The following IRF8 variants were observed in gnomAD, a reference collection of about 807,000 sequenced individuals.
The protein encoded by IRF8 is interferon regulatory factor 8.
A neutral mutation model predicts 48.7 loss-of-function variants in IRF8; 14 were observed. The observed-to-expected ratio is 0.29, with a 90% CI of 0.19 to 0.45. IRF8 has a LOEUF of 0.45. Ranked by LOEUF, IRF8 falls within the 20% of genes least tolerant of loss-of-function variation. The pLI is 1.00. For missense variants in IRF8, 493 were observed against 580.7 expected (o/e 0.85, Z 1.55); for synonymous variants, 278 against 227.3 (o/e 1.22, Z -2.01).
At position 85,920,128 on chromosome 16, in the gene IRF8, C is replaced by T. The variant is rs755364386; in HGVS notation, c.1008C>T (p.Asn336=). ...QFFRELQQFY[N]SQGRLPDGRV... Reference sequence around the variant, plus strand: ...TTCCAGAGCTGCAGCAGTTCTATAACAGCCAGGGCCGGCTTCCTGACGGCA... The same window carrying T: ...TTCCAGAGCTGCAGCAGTTCTATAATAGCCAGGGCCGGCTTCCTGACGGCA... Residue 336 remains asparagine, a synonymous_variant, in exon 8 of 9, where the codon AAC becomes AAT. Coordinates refer to ENST00000268638, the MANE Select transcript of IRF8 (RefSeq NM_002163.4). The T allele has an allele frequency of 1.2e-6, 2 of 1,613,770 alleles. No homozygotes were observed. The highest frequency in any genetic ancestry group is 2.2e-5 in the East Asian group (1 of 44,886).
At chr16:85,908,208 G>C (rs1905057208) in intron 2 of IRF8, among the ~76,000 whole-genome samples, 1 of 152,222 alleles carries the variant, frequency 6.6e-6, no homozygotes, top group African/African-American at 2.4e-5. Flanking sequence ...TCATCTGACT[G>C]TGGTTACCTC....
intron 2 of IRF8, among the ~76,000 whole-genome samples, chr16:85,907,550 C>T (rs1269955388): frequency 1.3e-5 from 2 of 152,108 alleles, no homozygotes; most frequent in Admixed American, 6.5e-5. Context: ...TGGTGGTGCA[C>T]ACCTGTAGTC....
chr16:85,899,532 G>A (rs146619109), intron 1 of IRF8, among the ~76,000 whole-genome samples: 4 of 152,256 alleles, frequency 2.6e-5, no homozygotes, highest in Admixed American at 1.3e-4. Context: ...ATAATGAACG[G>A]CAATAGCAAC....
chr16:85,903,268 A>G, intron 2 of IRF8, 79 bp downstream of exon 2: 1 of 1,309,942 alleles, frequency 7.6e-7, no homozygotes, highest in East Asian at 2.4e-5. Context: ...GTTGAGTGAC[A>G]TCTTTCTCAT....
chr16:85,916,930 T>C (rs77283254), intron 6 of IRF8, among the ~76,000 whole-genome samples: 158 of 152,298 alleles, frequency 1.0e-3, no homozygotes, highest in African/African-American at 3.6e-3. Context: ...TTCAGTTTCC[T>C]GAAGTGTCAA....
chr16:85,917,786 A>G (rs559468868), intron 6 of IRF8, among the ~76,000 whole-genome samples: 31 of 152,216 alleles, frequency 2.0e-4, no homozygotes, highest in Non-Finnish European at 4.1e-4. Context: ...GATTACATGT[A>G]TCACCCCTCC....
At chr16:85,909,310 G>T in intron 3 of IRF8, 137 bp downstream of exon 3, 1 of 741,674 alleles carries the variant, frequency 1.3e-6, no homozygotes, top group Non-Finnish European at 2.4e-6. Context: ...TCTCCTTCGT[G>T]TAAGCAGAAA....
intron 2 of IRF8, among the ~76,000 whole-genome samples, chr16:85,906,413 A>G (rs1372551405): frequency 6.6e-6 from 1 of 152,200 alleles, no homozygotes; most frequent in Non-Finnish European, 1.5e-5. Flanking sequence ...TCGAGAGATC[A>G]TCAAGCTAAG....
chr16:85,909,439 A>G (rs1905085279), intron 3 of IRF8: 3 of 485,844 alleles, frequency 6.2e-6, no homozygotes, highest in Non-Finnish European at 1.1e-5. Flanking sequence ...GACAGGAACA[A>G]GCATCCTCCA....
rs1391511601 is a variant in IRF8 at position 85,911,646 on chromosome 16, G to A, written c.435G>A (p.Glu145=). 2 of 1,613,702 alleles carry A rather than the reference G, an allele frequency of 1.2e-6. No individual in the cohort carries two copies. The highest frequency in any genetic ancestry group is 1.7e-6 in the Non-Finnish European group (2 of 1,179,800). ...AGTGCGGTCGCTCTGAAATCGACGA[G>A]CTGATCAAGGAGGTAAGCAGAGGCA... ...EMECGRSEID[E]LIKEPSVDDY... Residue 145 remains glutamate, a synonymous_variant, in exon 4 of 9, where the codon GAG becomes GAA. Coordinates refer to ENST00000268638, the MANE Select transcript of IRF8 (RefSeq NM_002163.4).
intron 2 of IRF8, among the ~76,000 whole-genome samples, chr16:85,907,115 G>T (rs759470825): frequency 9.2e-5 from 14 of 152,188 alleles, no homozygotes; most frequent in Non-Finnish European, 1.3e-4. Context: ...TTTTAGAGGG[G>T]AGTTTTACAT....
Position 85,914,507 on chromosome 16 carries a change from C to T in IRF8, c.588C>T (p.Asp196=), listed in dbSNP as rs112843240. The T allele has an allele frequency of 7.4e-6, 12 of 1,614,132 alleles. No homozygotes were observed. The highest frequency in any genetic ancestry group is 6.7e-5 in the African/African-American group (5 of 75,050). Residue 196 remains aspartate, a synonymous_variant, in exon 6 of 9, where the codon GAC becomes GAT. Transcript: ENST00000268638. ...TGGTGACGGGGTACACCACCTACGA[C>T]GCGCACCATTCAGGTACGGGGTGGT... ...VPLVTGYTTY[D]AHHSAFSQMV...
chr16:85,899,691 G>A (rs1253107599), intron 1 of IRF8, among the ~76,000 whole-genome samples: 1 of 152,166 alleles, frequency 6.6e-6, no homozygotes, highest in East Asian at 1.9e-4. Flanking sequence ...CTAAAATTCT[G>A]TTTAATGACA....
chr16:85,902,869 T>G (rs879171146), intron 1 of IRF8, 146 bp from the exon 2 acceptor site: 113 of 805,572 alleles, frequency 1.4e-4, no homozygotes, highest in East Asian at 2.2e-4. Flanking sequence ...TCATGGCAGG[T>G]GTCCCGGAGT....
intron 2 of IRF8, 37 bp from the exon 3 acceptor site, chr16:85,908,953 G>A (rs1290960439): frequency 6.4e-7 from 1 of 1,564,498 alleles, no homozygotes; most frequent in Non-Finnish European, 8.8e-7. Context: ...GATTGGAGTC[G>A]GCCATGAATT....
Position 85,903,077 on chromosome 16 carries a change from G to T in IRF8, c.62G>T (p.Ser21Ile). 6.2e-7 allele frequency: 1 copy of T among 1,614,202 alleles called. No individual in the cohort carries two copies. Among genetic ancestry groups the T allele is most frequent in the Non-Finnish European group, 8.5e-7 (1 of 1,180,014 alleles). The change falls in exon 2 of 9, where the codon AGC becomes ATC. Residue 21 changes from serine to isoleucine, a missense_variant. Physicochemically the swap from Ser to Ile is moderately radical, Grantham distance 142. This residue lies in a region of IRF8 where 54 missense variants were observed against 59.9 expected (regional missense o/e 0.90). Transcript: ENST00000268638. ...TGGCTGATCGAGCAGATTGACAGTAGCATGTATCCAGGACTGATTTGGGAG... is the reference window on the plus strand; with the variant it reads ...TGGCTGATCGAGCAGATTGACAGTATCATGTATCCAGGACTGATTTGGGAG... ...RQWLIEQIDS[S>I]MYPGLIWENE...
chr16:85,902,695 C>T (rs1020138184), intron 1 of IRF8: 6 of 395,276 alleles, frequency 1.5e-5, no homozygotes, highest in Non-Finnish European at 2.9e-5. Flanking sequence ...GAGCTGTTCA[C>T]TGTGGTTGTA....
intron 2 of IRF8, among the ~76,000 whole-genome samples, chr16:85,908,665 T>C (rs1055153646): frequency 1.7e-4 from 26 of 152,210 alleles, no homozygotes; most frequent in African/African-American, 6.0e-4. Context: ...ACCTCAGGTG[T>C]CTCCAGCTCT....
chr16:85,900,089 C>T (rs1416363205), intron 1 of IRF8, among the ~76,000 whole-genome samples: 1 of 152,160 alleles, frequency 6.6e-6, no homozygotes, highest in African/African-American at 2.4e-5. Context: ...GGGAGTGATT[C>T]AGTCACTTGA....
Sources: gnomAD v4.1 joint callset for allele counts (sites outside exome capture counted in the v4.1 genomes callset) on GRCh38, gnomAD v4.1.1 for gene constraint, gnomAD v4.1.1 regional missense constraint, MANE v1.5 for transcripts, NCBI Gene and HGNC (gene_info 2026-07-23, HGNC 2026-07-21) for gene names.